Variants in ODAD2 observed in about 807,000 individuals in gnomAD.
The protein encoded by ODAD2 is outer dynein arm docking complex subunit 2.
In ODAD2, 89 loss-of-function variants were observed where a neutral mutation model predicts 106.8. That is an observed-to-expected ratio of 0.83 (90% CI 0.70 to 0.99). The LOEUF is 0.99. ODAD2 is among the 50% of genes least tolerant of loss of function. ODAD2 has a pLI of 0.00. For missense variants in ODAD2, 1,168 were observed against 1,238.5 expected (o/e 0.94, Z 0.85); for synonymous variants, 404 against 436.2 (o/e 0.93, Z 0.92).
chr10:27,921,209 C>T (rs749241584), intron 16 of ODAD2, among the ~76,000 whole-genome samples: 5 of 151,190 alleles, frequency 3.3e-5, no homozygotes, highest in Non-Finnish European at 7.4e-5. Flanking sequence ...TTTGGAGGAT[C>T]GCTTGAGCCC....
At chr10:27,864,169 G>C (rs1840268224) in intron 17 of ODAD2, among the ~76,000 whole-genome samples, 1 of 151,726 alleles carries the variant, frequency 6.6e-6, no homozygotes, top group Non-Finnish European at 1.5e-5. Flanking sequence ...TATGCCTGGA[G>C]AGAAGATTGT....
chr10:27,847,976 C>T (rs1404919874), intron 19 of ODAD2, among the ~76,000 whole-genome samples: 6 of 152,138 alleles, frequency 3.9e-5, no homozygotes, highest in Admixed American at 2.0e-4. Context: ...GAATCAATAT[C>T]GTGAAAATGG....
intron 19 of ODAD2, among the ~76,000 whole-genome samples, chr10:27,820,025 T>C (rs1235609740): frequency 3.3e-5 from 5 of 152,122 alleles, no homozygotes; most frequent in Non-Finnish European, 5.9e-5. Flanking sequence ...CTCACGCTCA[T>C]GGTGATTCTT....
At chr10:27,922,114 A>C (rs1844833471) in intron 16 of ODAD2, among the ~76,000 whole-genome samples, 1 of 148,652 alleles carries the variant, frequency 6.7e-6, no homozygotes, top group African/African-American at 2.5e-5. Flanking sequence ...CTGCAGTGCC[A>C]CTGCATTCCA....
intron 9 of ODAD2, among the ~76,000 whole-genome samples, chr10:27,965,267 AGAG>A (rs928069022): frequency 1.3e-5 from 2 of 152,226 alleles, no homozygotes; most frequent in African/African-American, 4.8e-5. Context: ...GAAGCAATAA[AGAG>A]GAGATTTCTG....
chr10:27,947,584 C>G (rs1284469526), intron 10 of ODAD2, among the ~76,000 whole-genome samples: 1 of 152,128 alleles, frequency 6.6e-6, no homozygotes, highest in East Asian at 1.9e-4. Flanking sequence ...GAATAAAGCT[C>G]TTTTTTTCTC....
intron 2 of ODAD2, among the ~76,000 whole-genome samples, chr10:27,991,128 G>A (rs16927673): frequency 0.051 from 7,719 of 152,180 alleles, 695 homozygotes; most frequent in African/African-American, 0.18. Flanking sequence ...GCAAATTTAA[G>A]TTTCATTCTG....
At chr10:27,949,604 G>C (rs547136299) in intron 10 of ODAD2, among the ~76,000 whole-genome samples, 2 of 152,206 alleles carry the variant, frequency 1.3e-5, no homozygotes, top group Non-Finnish European at 2.9e-5. Context: ...CCCAGGGTGG[G>C]AGCGTGGTGC....
At chr10:27,906,825 GAC>G (rs1843627545) in intron 17 of ODAD2, among the ~76,000 whole-genome samples, 1 of 152,094 alleles carries the variant, frequency 6.6e-6, no homozygotes, top group South Asian at 2.1e-4. Flanking sequence ...AGAACACATG[GAC>G]ACAGGGAGGG....
intron 16 of ODAD2, among the ~76,000 whole-genome samples, chr10:27,916,564 A>G (rs1418062408): frequency 6.6e-6 from 1 of 152,130 alleles, no homozygotes; most frequent in African/African-American, 2.4e-5. Flanking sequence ...AGCAAGGCCA[A>G]CGCCTCTTCT....
At position 27,944,885 on chromosome 10, in the gene ODAD2, C is replaced by T; in HGVS notation, c.1464G>A (p.Leu488=). 6.2e-7 allele frequency: 1 copy of T among 1,614,160 alleles called. No individual in the cohort carries two copies. The highest frequency in any genetic ancestry group is 8.5e-7 in the Non-Finnish European group (1 of 1,180,012). The change falls in exon 11 of 20, where the codon TTG becomes TTA. Residue 488 remains leucine, a synonymous_variant. Coordinates refer to ENST00000305242, the MANE Select transcript of ODAD2 (RefSeq NM_018076.5). ...DFSLAQETCQ[L]AIRDVGGLEV... Reference sequence around the variant, plus strand: ...CCAGGCCTCCAACATCTCTGATGGCCAACTGGCAGGTTTCTTGAGCTAAGC... The same window carrying T: ...CCAGGCCTCCAACATCTCTGATGGCTAACTGGCAGGTTTCTTGAGCTAAGC...
At chr10:27,997,969 G>A (rs1037966815) in intron 1 of ODAD2, among the ~76,000 whole-genome samples, 22 of 152,114 alleles carry the variant, frequency 1.4e-4, no homozygotes, top group Non-Finnish European at 2.5e-4. Context: ...ACATAAACTG[G>A]GAATCACTTA....
chr10:27,888,879 A>C (rs556181292), intron 17 of ODAD2, among the ~76,000 whole-genome samples: 22 of 152,186 alleles, frequency 1.4e-4, no homozygotes, highest in Non-Finnish European at 2.8e-4. Flanking sequence ...TTACATTTGA[A>C]TTCCTACCTT....
intron 17 of ODAD2, among the ~76,000 whole-genome samples, chr10:27,876,906 T>C (rs550465327): frequency 3.9e-5 from 6 of 152,310 alleles, no homozygotes; most frequent in Non-Finnish European, 5.9e-5. Context: ...TGTAGCCTTT[T>C]GTTCTTCATA....
intron 7 of ODAD2, among the ~76,000 whole-genome samples, chr10:27,978,169 C>T (rs894872509): frequency 6.6e-6 from 1 of 152,122 alleles, no homozygotes; most frequent in Non-Finnish European, 1.5e-5. Flanking sequence ...GAATAATACA[C>T]ATCCATAAAA....
intron 17 of ODAD2, among the ~76,000 whole-genome samples, chr10:27,889,483 A>T (rs1842429353): frequency 6.6e-6 from 1 of 152,164 alleles, no homozygotes; most frequent in Non-Finnish European, 1.5e-5. Context: ...TCAGTAAGAA[A>T]GCTGGGTGGC....
chr10:27,981,855 C>T (rs1849567823), intron 6 of ODAD2: 1 of 218,134 alleles, frequency 4.6e-6, no homozygotes, highest in Non-Finnish European at 8.9e-6. Context: ...AGGCACTCTG[C>T]TGTTCAGCAG....
At chr10:27,826,218 GC>G (rs919611575) in intron 19 of ODAD2, among the ~76,000 whole-genome samples, 6 of 152,238 alleles carry the variant, frequency 3.9e-5, no homozygotes, top group African/African-American at 1.4e-4. Context: ...CATGACACCT[GC>G]TTTTCTGTCA....
intron 10 of ODAD2, among the ~76,000 whole-genome samples, chr10:27,948,651 A>T (rs1847105846): frequency 6.6e-6 from 1 of 152,164 alleles, no homozygotes; most frequent in Admixed American, 6.5e-5. Flanking sequence ...TGATTTTACT[A>T]GCTTCTGAAG....
Sources: allele counts gnomAD v4.1 joint callset (sites outside exome capture counted in the v4.1 genomes callset), GRCh38; gene constraint gnomAD v4.1.1; transcripts MANE v1.5; gene names NCBI Gene and HGNC (gene_info 2026-07-23, HGNC 2026-07-21).